PTPN7: variants seen among roughly 807,000 people sequenced by gnomAD.
PTPN7 encodes protein tyrosine phosphatase non-receptor type 7.
Under a neutral mutation model 50.3 loss-of-function variants are expected in PTPN7, and 33 were observed. The observed-to-expected ratio is 0.66, with a 90% CI of 0.50 to 0.88. The LOEUF (loss-of-function observed/expected upper bound fraction) is 0.88, where lower values mean the gene tolerates loss of function less well. Ranked by LOEUF, PTPN7 falls within the 40% of genes least tolerant of loss-of-function variation. The probability of loss-of-function intolerance (pLI) is 0.00; values close to 1 mark genes in which losing one functional copy is unlikely to be tolerated. For synonymous variants in PTPN7, 185 were observed against 186.6 expected, an observed-to-expected ratio of 0.99 and a Z score of 0.07; for missense variants, 412 against 475.4, an observed-to-expected ratio of 0.87 and a Z score of 1.24.
Position 202,147,764 on chromosome 1 carries a change from G to A in PTPN7, c.*842C>T, listed in dbSNP as rs1242126793. The A allele has an allele frequency of 6.6e-6, 1 of 152,168 alleles. No homozygotes were observed. The highest frequency in any genetic ancestry group is 1.5e-5 in the Non-Finnish European group (1 of 68,040). 9.4% of individuals were successfully genotyped at this position (152,168 alleles called of 1,614,324 possible). On this transcript the variant is annotated 3_prime_UTR_variant, in exon 10 of 10. Transcript: ENST00000691036. ...GTATAGTGGGTCCTGCATACCCAGG[G>A]TATTATTTGAGCCATGGAAGCAAAA...
intron 6 of PTPN7, 124 bp from the exon 7 acceptor site, chr1:202,153,959 G>T: frequency 9.9e-7 from 1 of 1,007,544 alleles, no homozygotes; most frequent in Non-Finnish European, 1.5e-6. Flanking sequence ...GCAACAGGGA[G>T]CCTGGCTCTT....
Position 202,156,670 on chromosome 1 carries a change from A to G in PTPN7, c.392-1061T>C, listed in dbSNP as rs1405297435. Among the ~76,000 whole-genome samples, 8 of 152,304 alleles carry G rather than the reference A, an allele frequency of 5.3e-5. No individual in the cohort carries two copies. In the South Asian group the frequency reaches 1.5e-3, roughly 28 times the overall value. On this transcript the variant is annotated intron_variant, in intron 4 of 9. Transcript: ENST00000691036. The stretch of plus-strand genomic sequence containing the variant: ...GCTGATTAGAATTAGGCCAAGAACA[A>G]GGGCTACTCCTCCCCCTGGCCTGGA...
At chr1:202,156,850 G>T (rs1656717103) in intron 4 of PTPN7, among the ~76,000 whole-genome samples, 1 of 152,162 alleles carries the variant, frequency 6.6e-6, no homozygotes, top group South Asian at 2.1e-4. Flanking sequence ...AGGCTCCGGG[G>T]CCTCATGCCT....
chr1:202,161,098 C>T (rs1161474671), upstream of PTPN7: 1 of 1,321,382 alleles, frequency 7.6e-7, no homozygotes, highest in African/African-American at 1.5e-5. Flanking sequence ...CAAGCACAGA[C>T]CACATCTTCC....
chr1:202,152,776 G>T, intron 7 of PTPN7, 77 bp from the exon 8 acceptor site: 2 of 1,525,656 alleles, frequency 1.3e-6, no homozygotes, highest in African/African-American at 1.4e-5. Flanking sequence ...TGCCTGAGGA[G>T]GGCAAGGGCT....
rs1164588235 is a variant in PTPN7 at position 202,152,851 on chromosome 1, T to G, written c.718-152A>C. ...TAGGTTGCAATTTTCGTGCTCATTG[T>G]TCTCCACCACTTCCCCCTTCAAAAT... On this transcript the variant is annotated intron_variant, in intron 7 of 9. Transcript: ENST00000691036. The G allele has an allele frequency of 1.5e-5, 12 of 817,132 alleles. No homozygotes were observed. In the Middle Eastern group the frequency reaches 3.0e-3, roughly 203 times the overall value. The allele number at this position is 817,132 out of a possible 1,614,324, so 50.6% of individuals were successfully genotyped here.
upstream of PTPN7, chr1:202,161,192 G>A: frequency 2.7e-6 from 3 of 1,124,576 alleles, no homozygotes; most frequent in Non-Finnish European, 3.3e-6. Context: ...AAGGGCCGGG[G>A]CCAGGCCAAA....
chr1:202,161,328 G>A (rs933155659), upstream of PTPN7: 5 of 1,178,112 alleles, frequency 4.2e-6, no homozygotes, highest in African/African-American at 8.0e-5. Flanking sequence ...GCTTCCCCTG[G>A]GCCCTCAGCC....
chr1:202,160,682 C>A, upstream of PTPN7: 18 of 1,550,558 alleles, frequency 1.2e-5, no homozygotes, highest in Non-Finnish European at 1.5e-5. This position sits in a 1 kb window ranked among gnomAD's most constrained non-coding sequence, Gnocchi z 4.8. Context: ...CACACCCCAG[C>A]TGCATTCTGC....
Position 202,157,802 on chromosome 1 carries a change from T to G in PTPN7, c.328A>C (p.Ser110Arg). 1 of 1,614,152 alleles carries G rather than the reference T, an allele frequency of 6.2e-7. No homozygotes were observed. Among genetic ancestry groups the G allele is most frequent in the Non-Finnish European group, 8.5e-7 (1 of 1,179,984 alleles). The change falls in exon 4 of 10, where the codon AGC becomes CGC. Residue 110 changes from serine (S) to arginine (R), a missense_variant. Ser to Arg is a moderately radical substitution (Grantham distance 110, BLOSUM62 -1). Transcript: ENST00000691036. ...CCAGGGATGTCCAGGTCTTCGGGGC[T>G]GACAAAGTTTGAAGGGATCTTCTGG... is the stretch of plus-strand genomic sequence containing the variant. Reference protein sequence around the residue: ...EFLKIPSNFVSPEDLDIPGHA... With the variant: ...EFLKIPSNFVRPEDLDIPGHA...
upstream of PTPN7, chr1:202,161,071 C>G: frequency 7.3e-7 from 1 of 1,371,038 alleles, no homozygotes; most frequent in Non-Finnish European, 9.4e-7. Flanking sequence ...CTGCTTCAAG[C>G]CTTGGGAATT....
At chr1:202,154,458 G>A (rs138020629) in intron 5 of PTPN7, 135 bp from the exon 6 acceptor site, 40 of 1,012,150 alleles carry the variant, frequency 4.0e-5, no homozygotes, top group African/African-American at 2.8e-4. Flanking sequence ...GCACGAACAC[G>A]CACACTCAGA....
At position 202,152,640 on chromosome 1, in the gene PTPN7, C is replaced by T. The variant is rs761603874; in HGVS notation, c.777G>A (p.Gln259=). 5.6e-6 allele frequency: 9 copies of T among 1,614,010 alleles called. No individual in the cohort carries two copies. The African/African-American group carries it at 1.2e-4, about 22-fold the overall frequency. The change falls in exon 8 of 10, where the codon CAG becomes CAA. Residue 259 remains glutamine, a synonymous_variant. Coordinates refer to ENST00000691036, the MANE Select transcript of PTPN7 (RefSeq NM_002832.4). The stretch of plus-strand genomic sequence containing the variant: ...GCAGGGGCCCAGCTGATTCTGGTGT[C>T]TGATGGTCTGGCCAGGCCGAAAAGA... ...HILFSAWPDH[Q]TPESAGPLLR...
At chr1:202,158,532 A>ATT in intron 2 of PTPN7, 8 of 445,062 alleles carry the variant, frequency 1.8e-5, no homozygotes, top group Admixed American at 4.1e-5. Flanking sequence ...GGCTAATTTA[A>ATT]GTTTTTTTTT....
In PTPN7 at chr1:202,148,551, C is replaced by A; in HGVS notation, c.*55G>T. ...TCACTCGGCCCACTTTCCCCAGACC[C>A]ACCTTCCCAGGCTTGAGGGAGGTAG... On this transcript the variant is annotated 3_prime_UTR_variant, in exon 10 of 10. Transcript: ENST00000691036. The A allele has an allele frequency of 6.5e-7, 1 of 1,530,700 alleles. No homozygotes were observed. 94.8% of individuals were successfully genotyped at this position (1,530,700 alleles called of 1,614,324 possible).
Position 202,152,623 on chromosome 1 carries a change from C to T in PTPN7, c.794G>A (p.Gly265Glu), listed in dbSNP as rs1656153285. ...CTCTGCCACTAGGCGCAGCAGGGGC[C>T]CAGCTGATTCTGGTGTCTGATGGTC... ...WPDHQTPESAGPLLRLVAEVE... is the reference protein window; with the variant it reads ...WPDHQTPESAEPLLRLVAEVE... The change falls in exon 8 of 10, where the codon GGG (glycine) becomes GAG (glutamate). Residue 265 changes from glycine (G) to glutamate (E), a missense_variant. Gly to Glu is a moderately conservative substitution (Grantham distance 98). Coordinates refer to ENST00000691036, the MANE Select transcript of PTPN7 (RefSeq NM_002832.4). The T allele has an allele frequency of 6.2e-7, 1 of 1,613,934 alleles. No homozygotes were observed. Among genetic ancestry groups the T allele is most frequent in the Admixed American group, 1.7e-5 (1 of 60,010 alleles).
Position 202,160,505 on chromosome 1 carries a change from C to G in PTPN7, c.-53+40G>C, listed in dbSNP as rs879252323. 1 of 1,520,704 alleles carries G rather than the reference C, an allele frequency of 6.6e-7. No homozygotes were observed. Among genetic ancestry groups the G allele is most frequent in the Non-Finnish European group, 8.9e-7 (1 of 1,125,476 alleles). The allele number at this position is 1,520,704 out of a possible 1,614,324, so 94.2% of individuals were successfully genotyped here. A position where few individuals can be genotyped will look rare whatever the true frequency, so the allele number is the denominator to read the frequency against. ...TTATATCCCCGGAGTTCGCACCCCC[C>G]GGGGCCACAGGACTCCCAGTCCCCC... On this transcript the variant is annotated intron_variant, in intron 1 of 9. Coordinates refer to ENST00000691036, the MANE Select transcript of PTPN7 (RefSeq NM_002832.4). The surrounding 1 kb of genome is among the most constrained non-coding windows in gnomAD (Gnocchi z 4.8).
rs752131416 is a variant in PTPN7 at position 202,157,706 on chromosome 1, C to A, written c.391+33G>T. Reference sequence around the variant, plus strand: ...AAGTTCTCTAGCCCCAGGGACTGTACCCGACTCCCTTCATCCCAGCAGCAG... The same window carrying A: ...AAGTTCTCTAGCCCCAGGGACTGTAACCGACTCCCTTCATCCCAGCAGCAG... On this transcript the variant is annotated intron_variant, in intron 4 of 9. Transcript: ENST00000691036. The A allele has an allele frequency of 1.1e-5, 17 of 1,577,664 alleles. No individual in the cohort carries two copies. In the Admixed American group the frequency reaches 1.7e-4, roughly 16 times the overall value.
chr1:202,150,430 G>T lies in PTPN7; in HGVS notation c.876-6C>A. The stretch of plus-strand genomic sequence containing the variant: ...CCGTCCGGCCAATCCCTGCACTGGA[G>T]ATAGCCAGGGAGGGGACAGGGAGGT... On this transcript the variant is annotated splice_polypyrimidine_tract_variant and splice_region_variant and intron_variant, in intron 8 of 9. Transcript: ENST00000691036. The T allele has an allele frequency of 6.2e-7, 1 of 1,600,056 alleles. No individual in the cohort carries two copies. Among genetic ancestry groups the T allele is most frequent in the South Asian group, 1.1e-5 (1 of 89,406 alleles).
Sources: gnomAD v4.1 joint callset for allele counts (sites outside exome capture counted in the v4.1 genomes callset) on GRCh38, gnomAD v4.1.1 for gene constraint, Gnocchi (gnomAD v3.1) non-coding constraint, MANE v1.5 for transcripts, NCBI Gene and HGNC (gene_info 2026-07-23, HGNC 2026-07-21) for gene names.